The following OSBPL1A variants were observed in gnomAD, a reference collection of about 807,000 sequenced individuals.
OSBPL1A encodes the protein oxysterol-binding protein-related protein 1.
A neutral mutation model predicts 137.1 loss-of-function variants in OSBPL1A; 80 were observed. The observed-to-expected ratio is 0.58, with a 90% CI of 0.49 to 0.70. OSBPL1A has a LOEUF of 0.70. Among genes scored for constraint, OSBPL1A ranks in the 30% least tolerant of loss-of-function variants. The pLI is 0.00. For synonymous variants in OSBPL1A, 365 were observed against 389.7 expected, an observed-to-expected ratio of 0.94 and a Z score of 0.75; for missense variants, 970 against 1,129.4, an observed-to-expected ratio of 0.86 and a Z score of 2.02.
At chr18:24,226,935 A>G (rs976001981) in intron 16 of OSBPL1A, among the ~76,000 whole-genome samples, 2 of 126,218 alleles carry the variant, frequency 1.6e-5, no homozygotes, top group Non-Finnish European at 3.1e-5. Flanking sequence ...TCTGTCACCC[A>G]GGCTGGAGTG....
intron 15 of OSBPL1A, among the ~76,000 whole-genome samples, chr18:24,255,480 T>C (rs1289715610): frequency 2.0e-5 from 3 of 152,136 alleles, no homozygotes. Flanking sequence ...CTCACTAAGA[T>C]AAATGCATAA....
chr18:24,341,653 C>T lies in OSBPL1A; in HGVS notation c.288G>A (p.Leu96=), dbSNP rs752252570. Residue 96 remains leucine (L), a synonymous_variant, in exon 5 of 28, where the codon TTG becomes TTA. Transcript: ENST00000319481. ...CATTATATTCTAAGAGAAGCATTAC[C>T]AACTCCTAAAAATCAGAGAATTTAT... ...HRAAFTGRKE[L]VMLLLEYNAD... 8.2e-6 allele frequency: 13 copies of T among 1,588,654 alleles called. No homozygotes were observed. The highest frequency in any genetic ancestry group is 1.1e-5 in the Non-Finnish European group (13 of 1,164,474).
chr18:24,362,677 A>G (rs1165654742), intron 4 of OSBPL1A, among the ~76,000 whole-genome samples: 20 of 152,200 alleles, frequency 1.3e-4, no homozygotes, highest in Admixed American at 1.3e-3. Context: ...CAAGAAATAC[A>G]CTCTATGTCA....
intron 7 of OSBPL1A, among the ~76,000 whole-genome samples, chr18:24,329,283 C>T (rs530900600): frequency 6.6e-6 from 1 of 152,178 alleles, no homozygotes; most frequent in African/African-American, 2.4e-5. Context: ...GGTGCAGTGG[C>T]TCCCACCTGT....
At chr18:24,167,293 A>C (rs776671418) in intron 25 of OSBPL1A, 36 bp downstream of exon 25, 8 of 1,567,194 alleles carry the variant, frequency 5.1e-6, no homozygotes, top group Admixed American at 1.7e-5. Context: ...TGCTAAACAC[A>C]GACAGTGAGG....
intron 27 of OSBPL1A, 98 bp from the exon 28 acceptor site, chr18:24,163,379 A>ACAGAATGAG: frequency 1.2e-6 from 1 of 814,524 alleles, no homozygotes; most frequent in Non-Finnish European, 2.0e-6. Context: ...GCAGCAACTC[A>ACAGAATGAG]TTCTGTGAGT....
At chr18:24,268,607 A>G (rs2089640781) in intron 15 of OSBPL1A, among the ~76,000 whole-genome samples, 1 of 152,072 alleles carries the variant, frequency 6.6e-6, no homozygotes, top group Non-Finnish European at 1.5e-5. Flanking sequence ...TACAATGGAC[A>G]TGCTTCAGTT....
intron 7 of OSBPL1A, 88 bp downstream of exon 7, chr18:24,332,854 G>A (rs2091106740): frequency 6.8e-7 from 1 of 1,465,102 alleles, no homozygotes; most frequent in Non-Finnish European, 9.4e-7. Context: ...AACAAAGGCT[G>A]GATACTGAAA....
chr18:24,330,588 G>A (rs1243353874), intron 7 of OSBPL1A, among the ~76,000 whole-genome samples: 4 of 148,952 alleles, frequency 2.7e-5, no homozygotes, highest in South Asian at 2.1e-4. Flanking sequence ...AGGTTCAAGC[G>A]ATTCTCCTGC....
At chr18:24,195,046 C>T (rs974522672) in intron 18 of OSBPL1A, among the ~76,000 whole-genome samples, 1 of 152,178 alleles carries the variant, frequency 6.6e-6, no homozygotes, top group Admixed American at 6.5e-5. Context: ...GGCCTGTAAT[C>T]CCAACACTTT....
chr18:24,223,550 C>G (rs2087961601), intron 17 of OSBPL1A, among the ~76,000 whole-genome samples: 1 of 152,070 alleles, frequency 6.6e-6, no homozygotes, highest in Non-Finnish European at 1.5e-5. Context: ...GTGACCTGTC[C>G]TGACTGCATT....
chr18:24,285,142 G>C (rs1420187808), intron 14 of OSBPL1A, among the ~76,000 whole-genome samples: 1 of 152,160 alleles, frequency 6.6e-6, no homozygotes, highest in Non-Finnish European at 1.5e-5. Flanking sequence ...ACACCCACTT[G>C]TTATAGGGGC....
At chr18:24,376,778 G>A (rs1338487750) in intron 2 of OSBPL1A, among the ~76,000 whole-genome samples, 1 of 152,246 alleles carries the variant, frequency 6.6e-6, no homozygotes, top group East Asian at 1.9e-4. Context: ...CGGTGGGCTG[G>A]CACTGCTGGG....
chr18:24,393,000 T>A (rs559302795), intron 1 of OSBPL1A, among the ~76,000 whole-genome samples: 1 of 152,336 alleles, frequency 6.6e-6, no homozygotes, highest in South Asian at 2.1e-4. Flanking sequence ...TGTAGTTAGC[T>A]GCTTAATGGT....
intron 16 of OSBPL1A, among the ~76,000 whole-genome samples, chr18:24,239,010 T>C (rs2146007921): frequency 6.6e-6 from 1 of 152,318 alleles, no homozygotes; most frequent in East Asian, 1.9e-4. Context: ...GCAGAGACTG[T>C]GATGAATTTC....
intron 19 of OSBPL1A, among the ~76,000 whole-genome samples, chr18:24,180,734 A>G (rs2086584598): frequency 6.6e-6 from 1 of 152,144 alleles, no homozygotes; most frequent in South Asian, 2.1e-4. Flanking sequence ...AAAATTAGCC[A>G]GGCATAGTGG....
chr18:24,266,986 A>G (rs1367788917), intron 15 of OSBPL1A, among the ~76,000 whole-genome samples: 2 of 152,000 alleles, frequency 1.3e-5, no homozygotes, highest in Non-Finnish European at 2.9e-5. Flanking sequence ...ATAAGAAACT[A>G]AAGACCGTTC....
At chr18:24,164,291 C>T (rs904397015) in intron 27 of OSBPL1A, among the ~76,000 whole-genome samples, 6 of 151,962 alleles carry the variant, frequency 3.9e-5, no homozygotes, top group South Asian at 2.1e-4. Context: ...TATCGTCTTA[C>T]ACCAGTTAGG....
intron 4 of OSBPL1A, among the ~76,000 whole-genome samples, chr18:24,363,684 C>T (rs1334443779): frequency 6.6e-6 from 1 of 151,890 alleles, no homozygotes; most frequent in African/African-American, 2.4e-5. Flanking sequence ...CTGTGTCACC[C>T]AGGCTAGAGT....
Sources: gnomAD v4.1 joint callset for allele counts (sites outside exome capture counted in the v4.1 genomes callset) on GRCh38, gnomAD v4.1.1 for gene constraint, MANE v1.5 for transcripts, NCBI Gene and HGNC (gene_info 2026-07-23, HGNC 2026-07-21) for gene names.